Variants in CSMD1 observed in about 807,000 individuals in gnomAD.
CSMD1 encodes CUB and Sushi multiple domains 1.
In CSMD1, 213 loss-of-function variants were observed where a neutral mutation model predicts 417.5. That is an observed-to-expected ratio of 0.51 (90% CI 0.46 to 0.57). The LOEUF is 0.57. CSMD1 is among the 20% of genes least tolerant of loss of function. The pLI, the probability that CSMD1 is intolerant of heterozygous loss-of-function variation, is 0.00. For missense variants in CSMD1, 6,923 were observed against 4,529.7 expected (o/e 1.53, Z -15.17); for synonymous variants, 2,862 against 1,736.8 (o/e 1.65, Z -16.11).
intron 4 of CSMD1, among the ~76,000 whole-genome samples, chr8:4,026,213 C>A (rs1037862740): frequency 1.3e-5 from 2 of 152,086 alleles, no homozygotes; most frequent in Non-Finnish European, 2.9e-5. Flanking sequence ...TTATCCAAAT[C>A]CATGAGAAAC....
At chr8:3,057,904 ACATTTTTTGTCTT>A (rs1812342349) in intron 49 of CSMD1, among the ~76,000 whole-genome samples, 1 of 152,230 alleles carries the variant, frequency 6.6e-6, no homozygotes. Flanking sequence ...AACAAAAACT[ACATTTTTTGTCTT>A]CAAACCTCAC....
At chr8:3,948,141 G>C (rs956889307) in intron 5 of CSMD1, among the ~76,000 whole-genome samples, 1 of 152,144 alleles carries the variant, frequency 6.6e-6, no homozygotes, top group Non-Finnish European at 1.5e-5. Context: ...AGAGGCTTAG[G>C]TTGCAGTCAG....
intron 36 of CSMD1, among the ~76,000 whole-genome samples, chr8:3,185,276 T>G (rs182392256): frequency 1.5e-4 from 23 of 152,328 alleles, no homozygotes; most frequent in African/African-American, 5.3e-4. Context: ...TTTTCAAATT[T>G]TCTCCTGGCT....
intron 12 of CSMD1, among the ~76,000 whole-genome samples, chr8:3,428,282 G>A (rs977978829): frequency 6.6e-6 from 1 of 152,138 alleles, no homozygotes; most frequent in Non-Finnish European, 1.5e-5. Context: ...CAAACAAACG[G>A]CTCTGCAGCC....
At chr8:3,060,061 G>C (rs1420823767) in intron 49 of CSMD1, among the ~76,000 whole-genome samples, 1 of 151,952 alleles carries the variant, frequency 6.6e-6, no homozygotes, top group South Asian at 2.1e-4. Context: ...CTGGAATAAA[G>C]TACTTTCCGG....
At chr8:4,393,214 G>C (rs1563126574) in intron 3 of CSMD1, among the ~76,000 whole-genome samples, 1 of 152,054 alleles carries the variant, frequency 6.6e-6, no homozygotes, top group Non-Finnish European at 1.5e-5. Context: ...CAGCTAAATT[G>C]ATCTACCCAC....
At chr8:3,076,762 C>T (rs17079276) in intron 49 of CSMD1, among the ~76,000 whole-genome samples, 5,645 of 152,306 alleles carry the variant, frequency 0.037, 127 homozygotes, top group Middle Eastern at 0.082. Flanking sequence ...TTGATGACAA[C>T]TGTGGCCCAG....
chr8:4,158,959 A>C (rs1391553095), intron 3 of CSMD1, among the ~76,000 whole-genome samples: 1 of 152,190 alleles, frequency 6.6e-6, no homozygotes, highest in African/African-American at 2.4e-5. Context: ...CTTGTTGCCC[A>C]GGTTGGAGTG....
chr8:4,631,424 T>C (rs1208194904), intron 2 of CSMD1, among the ~76,000 whole-genome samples: 3 of 150,684 alleles, frequency 2.0e-5, no homozygotes, highest in Admixed American at 6.6e-5. Flanking sequence ...AATCAGTCCA[T>C]TGATCTGTGA....
Position 3,525,596 on chromosome 8 carries a change from C to G in CSMD1, c.1345-31870G>C, listed in dbSNP as rs1585305153. ...AACAAGCAGAGGGATAAGTCTGTCACTAGGAGGGCATCGTATCTTCAAAAC... is the reference window on the plus strand; with the variant it reads ...AACAAGCAGAGGGATAAGTCTGTCAGTAGGAGGGCATCGTATCTTCAAAAC... On this transcript the variant is annotated intron_variant, in intron 10 of 69. Transcript: ENST00000635120. 2.0e-5 allele frequency among the ~76,000 whole-genome samples: 3 copies of G among 152,276 alleles called. No individual in the cohort carries two copies. The South Asian group carries it at 6.2e-4, about 32-fold the overall frequency.
At chr8:4,166,907 T>C (rs1470535019) in intron 3 of CSMD1, among the ~76,000 whole-genome samples, 2 of 152,210 alleles carry the variant, frequency 1.3e-5, no homozygotes, top group Non-Finnish European at 2.9e-5. Context: ...AGCAGCCTCA[T>C]TTTGAATGCT....
At chr8:2,962,732 G>T in intron 60 of CSMD1, 93 bp from the exon 61 acceptor site, 1 of 1,309,304 alleles carries the variant, frequency 7.6e-7, no homozygotes, top group Non-Finnish European at 1.0e-6. Context: ...TAAATCTTTA[G>T]CTTTAACTAT....
chr8:3,201,761 C>T (rs368793679), intron 31 of CSMD1, 36 bp from the exon 32 acceptor site: 2 of 1,302,390 alleles, frequency 1.5e-6, no homozygotes, highest in Non-Finnish European at 2.2e-6. Context: ...GCACAAGATG[C>T]TCTAAGAAAA....
intron 7 of CSMD1, among the ~76,000 whole-genome samples, chr8:3,674,854 T>C (rs1456508355): frequency 1.8e-4 from 28 of 152,194 alleles, no homozygotes; most frequent in Admixed American, 1.8e-3. Flanking sequence ...GTAAAGACTA[T>C]CCTTTAAATT....
chr8:4,442,294 G>T lies in CSMD1; in HGVS notation c.303-22229C>A, dbSNP rs1029587385. ...TATAACAGTAAAAAAATTATTAAAAGTTAGAAAAGAAATGAACACAAAGTA... is the reference window on the plus strand; with the variant it reads ...TATAACAGTAAAAAAATTATTAAAATTTAGAAAAGAAATGAACACAAAGTA... On this transcript the variant is annotated intron_variant, in intron 2 of 69. Coordinates refer to ENST00000635120, the MANE Select transcript of CSMD1 (RefSeq NM_033225.6). 3.3e-5 allele frequency among the ~76,000 whole-genome samples: 5 copies of T among 152,202 alleles called. No homozygotes were observed. The East Asian group carries it at 5.8e-4, about 18-fold the overall frequency.
At chr8:3,891,589 G>A (rs1048611900) in intron 5 of CSMD1, among the ~76,000 whole-genome samples, 8 of 152,066 alleles carry the variant, frequency 5.3e-5, no homozygotes, top group Non-Finnish European at 1.0e-4. Context: ...AGGCTGAGAT[G>A]CGAGGATTGT....
intron 2 of CSMD1, among the ~76,000 whole-genome samples, chr8:4,570,585 C>A (rs185031435): frequency 1.3e-5 from 2 of 152,012 alleles, no homozygotes; most frequent in Non-Finnish European, 1.5e-5. Flanking sequence ...GCATATTAGG[C>A]CTATAGGCCT....
chr8:3,353,879 T>C (rs1397976908), intron 21 of CSMD1, among the ~76,000 whole-genome samples: 1 of 152,148 alleles, frequency 6.6e-6, no homozygotes, highest in African/African-American at 2.4e-5. Flanking sequence ...AAAATGAAAT[T>C]AACACAGAAG....
chr8:4,729,729 G>C (rs1034057712), intron 1 of CSMD1, among the ~76,000 whole-genome samples: 1 of 152,174 alleles, frequency 6.6e-6, no homozygotes, highest in Non-Finnish European at 1.5e-5. Flanking sequence ...ACAACTCAAA[G>C]TTCCTATAAA....
Sources: allele counts gnomAD v4.1 joint callset (sites outside exome capture counted in the v4.1 genomes callset), GRCh38; gene constraint gnomAD v4.1.1; transcripts MANE v1.5; gene names NCBI Gene and HGNC (gene_info 2026-07-23, HGNC 2026-07-21).